Variants in MTHFD2 observed in about 807,000 individuals in gnomAD.
MTHFD2 encodes methylenetetrahydrofolate dehydrogenase (NADP+ dependent) 2, methenyltetrahydrofolate cyclohydrolase.
Under a neutral mutation model 36.8 loss-of-function variants are expected in MTHFD2, and 26 were observed. The ratio of observed to expected loss-of-function variants is 0.71; its 90% CI spans 0.52 to 0.98. The LOEUF (loss-of-function observed/expected upper bound fraction) is 0.98, where lower values mean the gene tolerates loss of function less well. Among genes scored for constraint, MTHFD2 ranks in the 50% least tolerant of loss-of-function variants. The pLI is 0.00. For synonymous variants in MTHFD2, 164 were observed against 155.2 expected, an observed-to-expected ratio of 1.06 and a Z score of -0.42; for missense variants, 373 against 434.0, an observed-to-expected ratio of 0.86 and a Z score of 1.25.
At position 74,211,731 on chromosome 2, in the gene MTHFD2, C is replaced by A; in HGVS notation, c.764-10C>A. ...AGTACTAAGTTGATCTTTCCTTTCT[C>A]CATTTCCAGGTATTCCAAATCTGAT... On this transcript the variant is annotated splice_polypyrimidine_tract_variant and intron_variant, in intron 6 of 7. Transcript: ENST00000394053. 6.2e-7 allele frequency: 1 copy of A among 1,601,306 alleles called. No homozygotes were observed. The highest frequency in any genetic ancestry group is 1.1e-5 in the South Asian group (1 of 88,414).
chr2:74,209,975 C>T lies in MTHFD2; in HGVS notation c.596C>T (p.Ala199Val), dbSNP rs1694269349. The change falls in exon 5 of 8, where the codon GCT becomes GTT. Residue 199 changes from alanine to valine, a missense_variant. Around this residue, in one of 2 missense-constraint regions of MTHFD2, gnomAD observed 308 missense variants for 397.8 expected, o/e 0.77. Transcript: ENST00000394053. Reference protein sequence around the residue: ...IPTLGKNVVVAGRSKNVGMPI... With the variant: ...IPTLGKNVVVVGRSKNVGMPI... The stretch of plus-strand genomic sequence containing the variant: ...ACCCTAGGGAAGAATGTGGTTGTGG[C>T]TGGAAGGTCAAAAAACGTTGGAATG... 1.2e-6 allele frequency: 2 copies of T among 1,613,246 alleles called. No homozygotes were observed. Among genetic ancestry groups the T allele is most frequent in the African/African-American group, 1.3e-5 (1 of 74,986 alleles).
intron 1 of MTHFD2, among the ~76,000 whole-genome samples, chr2:74,204,205 C>T (rs1694125996): frequency 1.3e-5 from 2 of 152,048 alleles, no homozygotes; most frequent in East Asian, 1.9e-4. Flanking sequence ...TGAGCTACCA[C>T]GCTGGGCCAG....
rs116292714 is a variant in MTHFD2 at position 74,205,193 on chromosome 2, G to A, written c.102-512G>A. Among the ~76,000 whole-genome samples, 495 of 152,278 alleles carry A rather than the reference G, an allele frequency of 3.3e-3. 2 individuals carry two copies. The highest frequency in any genetic ancestry group is 6.8e-3 in the Middle Eastern group (2 of 294). On this transcript the variant is annotated intron_variant, in intron 1 of 7. Coordinates refer to ENST00000394053, the MANE Select transcript of MTHFD2 (RefSeq NM_006636.4). ...AACCACCATAAAAATGAAGTCAGTT[G>A]ACTGGGAAATGATTTGAAATACATG...
chr2:74,205,613 G>A, intron 1 of MTHFD2, 92 bp from the exon 2 acceptor site: 2 of 1,418,130 alleles, frequency 1.4e-6, no homozygotes, highest in Non-Finnish European at 1.9e-6. Context: ...CGAAGTGCTG[G>A]GATTACAGGC....
At chr2:74,207,556 T>TA (rs1197848995) in intron 2 of MTHFD2, 148 bp from the exon 3 acceptor site, 5 of 639,194 alleles carry the variant, frequency 7.8e-6, no homozygotes, top group African/African-American at 1.8e-5. Flanking sequence ...TTTGTGAAGT[T>TA]ACTTTTTTAG....
chr2:74,205,778 G>C lies in MTHFD2; in HGVS notation c.175G>C (p.Glu59Gln). Residue 59 changes from glutamate (E) to glutamine (Q), a missense_variant, in exon 2 of 8, where the codon GAG becomes CAG. Glu to Gln is a conservative substitution (Grantham distance 29, BLOSUM62 2). Transcript: ENST00000394053. The stretch of plus-strand genomic sequence containing the variant: ...GCAGGAAGTGCGGCAGGAGGTAGAA[G>C]AGTGGGTGGCCTCAGGCAACAAACG... ...IKQEVRQEVEEWVASGNKRPH... is the reference protein window; with the variant it reads ...IKQEVRQEVEQWVASGNKRPH... 6.2e-7 allele frequency: 1 copy of C among 1,613,888 alleles called. No individual in the cohort carries two copies. The highest frequency in any genetic ancestry group is 8.5e-7 in the Non-Finnish European group (1 of 1,180,004).
chr2:74,205,779 A>G lies in MTHFD2; in HGVS notation c.176A>G (p.Glu59Gly). ...IKQEVRQEVEEWVASGNKRPH... is the reference protein window; with the variant it reads ...IKQEVRQEVEGWVASGNKRPH... ...CAGGAAGTGCGGCAGGAGGTAGAAG[A>G]GTGGGTGGCCTCAGGCAACAAACGG... Residue 59 changes from glutamate to glycine, a missense_variant, in exon 2 of 8, where the codon GAG becomes GGG. Transcript: ENST00000394053. The G allele has an allele frequency of 6.2e-7, 1 of 1,613,752 alleles. No homozygotes were observed. The highest frequency in any genetic ancestry group is 8.5e-7 in the Non-Finnish European group (1 of 1,179,998).
At chr2:74,204,066 ACCATG>A (rs1374550992) in intron 1 of MTHFD2, among the ~76,000 whole-genome samples, 1 of 151,942 alleles carries the variant, frequency 6.6e-6, no homozygotes, top group Non-Finnish European at 1.5e-5. Flanking sequence ...GGCGCGCACC[ACCATG>A]CCTGGCTAAT....
chr2:74,205,559 G>A (rs1694156209), intron 1 of MTHFD2, 146 bp from the exon 2 acceptor site: 13 of 732,136 alleles, frequency 1.8e-5, no homozygotes, highest in Middle Eastern at 4.1e-4. Flanking sequence ...GCCCAGGCCA[G>A]TCTCAAACTC....
intron 4 of MTHFD2, 74 bp downstream of exon 4, chr2:74,208,795 C>T: frequency 2.0e-6 from 3 of 1,487,142 alleles, no homozygotes; most frequent in Non-Finnish European, 2.8e-6. Flanking sequence ...AAAACTCATA[C>T]AGTCCCAAAG....
chr2:74,202,056 C>G (rs1485940753), intron 1 of MTHFD2, among the ~76,000 whole-genome samples: 1 of 151,762 alleles, frequency 6.6e-6, no homozygotes, highest in Non-Finnish European at 1.5e-5. Flanking sequence ...AACCCTGTGT[C>G]CTTAACTTCA....
At chr2:74,202,805 TG>T (rs1694069894) in intron 1 of MTHFD2, among the ~76,000 whole-genome samples, 1 of 152,118 alleles carries the variant, frequency 6.6e-6, no homozygotes, top group South Asian at 2.1e-4. Context: ...GGATTACAGA[TG>T]TGAGCCACCA....
intron 1 of MTHFD2, among the ~76,000 whole-genome samples, chr2:74,200,057 A>C (rs1694007845): frequency 6.6e-6 from 1 of 152,260 alleles, no homozygotes; most frequent in East Asian, 1.9e-4. Context: ...CAGTGCGGAA[A>C]TGCTGTTAGA....
At chr2:74,202,589 C>T (rs937042212) in intron 1 of MTHFD2, among the ~76,000 whole-genome samples, 15 of 152,048 alleles carry the variant, frequency 9.9e-5, no homozygotes, top group African/African-American at 1.4e-4. Flanking sequence ...CCGCTCACGG[C>T]AGTCTCTGCT....
At chr2:74,200,787 A>C (rs761605518) in intron 1 of MTHFD2, among the ~76,000 whole-genome samples, 5 of 152,170 alleles carry the variant, frequency 3.3e-5, no homozygotes, top group Non-Finnish European at 7.3e-5. Flanking sequence ...CTAGTGTTTA[A>C]TAGATGTTTG....
rs758008345 is a variant in MTHFD2, at chr2:74,205,899, C to T, written c.286+10C>T. On this transcript the variant is annotated intron_variant, in intron 2 of 7. Transcript: ENST00000394053. ...GCAGCTGCAGTTGTGGGTATGTGTC[C>T]TTCTGAGACCTCGACTGCGGTTCAG... The T allele has an allele frequency of 3.7e-6, 6 of 1,606,580 alleles. No individual in the cohort carries two copies. The highest frequency in any genetic ancestry group is 5.1e-6 in the Non-Finnish European group (6 of 1,174,306).
intron 1 of MTHFD2, 48 bp from the exon 2 acceptor site, chr2:74,205,657 T>TA (rs1350402422): frequency 1.3e-6 from 2 of 1,583,390 alleles, no homozygotes; most frequent in African/African-American, 2.7e-5. Flanking sequence ...TTTTAGTTTT[T>TA]ATAAAAATTC....
chr2:74,211,944 C>CCTT, intron 7 of MTHFD2, 78 bp downstream of exon 7: 1 of 424,488 alleles, frequency 2.4e-6, no homozygotes. Flanking sequence ...AGATTATTTA[C>CCTT]TTTTTTTTTT....
At chr2:74,210,113 T>A (rs1572988699) in intron 5 of MTHFD2, 64 bp downstream of exon 5, 1 of 1,343,586 alleles carries the variant, frequency 7.4e-7, no homozygotes, top group East Asian at 2.4e-5. Flanking sequence ...TCAGAAGCCA[T>A]CCTGTGCATG....
Sources: allele counts gnomAD v4.1 joint callset (sites outside exome capture counted in the v4.1 genomes callset), GRCh38; gene constraint gnomAD v4.1.1; regional missense constraint gnomAD v4.1.1; transcripts MANE v1.5; gene names NCBI Gene and HGNC (gene_info 2026-07-23, HGNC 2026-07-21).